The following MYSM1 variants were observed in gnomAD, a reference collection of about 807,000 sequenced individuals.
The protein encoded by MYSM1 is deubiquitinase MYSM1.
MYSM1 carries 51 observed loss-of-function variants against 116.0 expected under a neutral mutation model. That is an observed-to-expected ratio of 0.44 (90% CI 0.35 to 0.56). The LOEUF (loss-of-function observed/expected upper bound fraction) is 0.56, where lower values mean the gene tolerates loss of function less well. Among genes scored for constraint, MYSM1 ranks in the 20% least tolerant of loss-of-function variants. MYSM1 has a pLI of 0.00. For missense variants in MYSM1, 900 were observed against 974.9 expected (o/e 0.92, Z 1.02); for synonymous variants, 313 against 315.2 (o/e 0.99, Z 0.07).
chr1:58,667,077 A>G lies in MYSM1; in HGVS notation c.1992T>C (p.Asn664=), dbSNP rs760880945. ...GTGTGTCAATATCTCGTAAGGAAGG[A>G]TTAGGATCAAAAGCAGGATGAGAAT... is the stretch of plus-strand genomic sequence containing the variant. The part of the protein sequence containing the change: ...WYHSHPAFDP[N]PSLRDIDTQA... The change falls in exon 16 of 20, where the codon AAT becomes AAC. Residue 664 remains asparagine, a synonymous_variant. Transcript: ENST00000472487. 1 of 1,613,024 alleles carries G rather than the reference A, an allele frequency of 6.2e-7. No individual in the cohort carries two copies. The highest frequency in any genetic ancestry group is 1.1e-5 in the South Asian group (1 of 90,938).
At chr1:58,669,074 C>T (rs770293146) in intron 12 of MYSM1, 36 bp from the exon 13 acceptor site, 2 of 1,401,860 alleles carry the variant, frequency 1.4e-6, no homozygotes, top group Non-Finnish European at 2.0e-6. Flanking sequence ...ACAATCTCAA[C>T]AAGATTAGGA....
At chr1:58,666,993 A>G in intron 16 of MYSM1, 45 bp downstream of exon 16, 1 of 1,134,506 alleles carries the variant, frequency 8.8e-7, no homozygotes, top group South Asian at 1.8e-5. Context: ...GGGAGCATTG[A>G]GGGGGTGTGC....
chr1:58,669,836 C>CAAAAAAA (rs58828009), intron 12 of MYSM1, among the ~76,000 whole-genome samples: 6 of 14,594 alleles, frequency 4.1e-4, no homozygotes, highest in African/African-American at 1.3e-3. Flanking sequence ...ACCCTGTCTC[C>CAAAAAAA]AAAAAAAAAA....
intron 18 of MYSM1, 21 bp downstream of exon 18, chr1:58,661,385 A>AT (rs749968963): frequency 4.3e-5 from 63 of 1,449,900 alleles, no homozygotes; most frequent in Non-Finnish European, 5.8e-5. Flanking sequence ...ATGTGCAACC[A>AT]TCTCAAACCA....
rs557393833 is a variant in MYSM1 at position 58,661,201 on chromosome 1, C to T, written c.2297G>A (p.Arg766His). ...HSSVPMDKIFRRDSDLTCLQK... is the reference protein window; with the variant it reads ...HSSVPMDKIFHRDSDLTCLQK... ...CAAACAAGTCAGGTCAGAATCCCGGCGAAAGATTTTATCCATGGGGACGCT... is the reference window on the plus strand; with the variant it reads ...CAAACAAGTCAGGTCAGAATCCCGGTGAAAGATTTTATCCATGGGGACGCT... The change falls in exon 19 of 20, where the codon CGC (arginine) becomes CAC (histidine). Residue 766 changes from arginine to histidine, a missense_variant. By Grantham distance (29) the Arg-to-His change is conservative. This residue lies in a region of MYSM1 where 186 missense variants were observed against 196.2 expected (regional missense o/e 0.95). Coordinates refer to ENST00000472487, the MANE Select transcript of MYSM1 (RefSeq NM_001085487.3). 2.5e-6 allele frequency: 4 copies of T among 1,613,110 alleles called. No homozygotes were observed. Among genetic ancestry groups the T allele is most frequent in the South Asian group, 1.1e-5 (1 of 91,050 alleles).
At chr1:58,679,797 G>A (rs1644710484) in intron 8 of MYSM1, among the ~76,000 whole-genome samples, 2 of 151,770 alleles carry the variant, frequency 1.3e-5, no homozygotes, top group Admixed American at 1.3e-4. Context: ...GGTGGCCGAG[G>A]TGAGTGGATT....
Position 58,667,188 on chromosome 1 carries a change from T to A in MYSM1, c.1881A>T (p.Gly627=). The A allele has an allele frequency of 6.2e-7, 1 of 1,606,926 alleles. No homozygotes were observed. Among genetic ancestry groups the A allele is most frequent in the Non-Finnish European group, 8.5e-7 (1 of 1,175,782 alleles). ...AAEPCNSLST[G]LQCEMDPVSQ... ...ATACAGGATCCATCTCACACTGTAGTCCTGTACTCAGACTGTTACATGGTT... is the reference window on the plus strand; with the variant it reads ...ATACAGGATCCATCTCACACTGTAGACCTGTACTCAGACTGTTACATGGTT... The change falls in exon 16 of 20, where the codon GGA becomes GGT. Residue 627 remains glycine (G), a synonymous_variant. Transcript: ENST00000472487.
At position 58,682,551 on chromosome 1, in the gene MYSM1, TA is replaced by T; in HGVS notation, c.499-7del. 7 of 1,557,354 alleles carry T rather than the reference TA, an allele frequency of 4.5e-6. No homozygotes were observed. The highest frequency in any genetic ancestry group is 6.1e-6 in the Non-Finnish European group (7 of 1,156,222). On this transcript the variant is annotated splice_region_variant and splice_polypyrimidine_tract_variant and intron_variant, in intron 7 of 19. Transcript: ENST00000472487. Reference sequence around the variant, plus strand: ...TTATCCAGACCGCATTTGACCTTATTAAAAATCAAAATAAAATCCCCATAAT... The same window carrying T: ...TTATCCAGACCGCATTTGACCTTATTAAAATCAAAATAAAATCCCCATAAT...
At position 58,671,770 on chromosome 1, in the gene MYSM1, C is replaced by T. The variant is rs867863193; in HGVS notation, c.1661+100G>A. The T allele has an allele frequency of 7.7e-5, 65 of 849,132 alleles. No individual in the cohort carries two copies. In the Middle Eastern group the frequency reaches 2.8e-3, roughly 36 times the overall value. The allele number at this position is 849,132 out of a possible 1,614,324, so 52.6% of individuals were successfully genotyped here. On this transcript the variant is annotated intron_variant, in intron 12 of 19. Transcript: ENST00000472487. ...AAAATTGTAGCAGTATTTTTTTAAACTTAATGTGAACAATATAATGCAGCT... is the reference window on the plus strand; with the variant it reads ...AAAATTGTAGCAGTATTTTTTTAAATTTAATGTGAACAATATAATGCAGCT...
chr1:58,678,253 C>T (rs918750491), intron 8 of MYSM1, among the ~76,000 whole-genome samples: 1 of 152,078 alleles, frequency 6.6e-6, no homozygotes, highest in Non-Finnish European at 1.5e-5. Context: ...GGTACCACAC[C>T]TTCCATAGAA....
At chr1:58,662,249 G>GA (rs1162067928) in intron 17 of MYSM1, among the ~76,000 whole-genome samples, 1 of 151,828 alleles carries the variant, frequency 6.6e-6, no homozygotes, top group African/African-American at 2.4e-5. Context: ...ATCTAGAAAG[G>GA]AAAAAATACC....
chr1:58,682,336 T>A lies in MYSM1; in HGVS notation c.708A>T (p.Thr236=), dbSNP rs1425355780. ...TDEVDELSSQ[T]PQKNSSSDLL... ...GATCACTGCTAGAATTCTTCTGGGG[T>A]GTTTGAGAAGACAACTCGTCCACCT... The change falls in exon 8 of 20, where the codon ACA becomes ACT. Residue 236 remains threonine, a synonymous_variant. Coordinates refer to ENST00000472487, the MANE Select transcript of MYSM1 (RefSeq NM_001085487.3). 1 of 1,613,940 alleles carries A rather than the reference T, an allele frequency of 6.2e-7. No individual in the cohort carries two copies. The highest frequency in any genetic ancestry group is 8.5e-7 in the Non-Finnish European group (1 of 1,179,922).
chr1:58,660,129 CAG>C lies in MYSM1; in HGVS notation c.2353_2354del (p.Leu785GlufsTer10), dbSNP rs1246750624. The C allele has an allele frequency of 5.0e-6, 8 of 1,604,100 alleles. No individual in the cohort carries two copies. Among genetic ancestry groups the C allele is most frequent in the Non-Finnish European group, 6.8e-6 (8 of 1,176,100 alleles). ...QKLLECMRKT[L>X]SKVTNCFMAE... is the part of the protein sequence containing the mutation. Reference sequence around the variant, plus strand: ...CCATAAAGCAATTGGTCACTTTGCTCAGAGTCTTCCTCATACACTCCAAAAGC... The same window carrying C: ...CCATAAAGCAATTGGTCACTTTGCTCAGTCTTCCTCATACACTCCAAAAGC... On this transcript the variant is annotated frameshift_variant, in exon 20 of 20. Transcript: ENST00000472487. LOFTEE classifies it high-confidence loss of function.
At chr1:58,684,291 C>A (rs1023481051) in intron 7 of MYSM1, among the ~76,000 whole-genome samples, 2 of 152,018 alleles carry the variant, frequency 1.3e-5, no homozygotes, top group African/African-American at 4.8e-5. Context: ...CTAGGCCGGG[C>A]ACGGTGGCTC....
chr1:58,693,044 A>C (rs1416366896), intron 2 of MYSM1, 113 bp from the exon 3 acceptor site: 5 of 785,196 alleles, frequency 6.4e-6, no homozygotes, highest in Non-Finnish European at 2.0e-6. Flanking sequence ...GTCACCATTT[A>C]CTGAGCACAC....
At chr1:58,662,162 C>A (rs1356369657) in intron 17 of MYSM1, among the ~76,000 whole-genome samples, 1 of 151,980 alleles carries the variant, frequency 6.6e-6, no homozygotes, top group African/African-American at 2.4e-5. Context: ...GGGGAGGCAG[C>A]AACTGCTTTG....
intron 3 of MYSM1, among the ~76,000 whole-genome samples, chr1:58,691,106 C>T (rs1411459167): frequency 1.3e-5 from 2 of 151,896 alleles, no homozygotes; most frequent in African/African-American, 4.8e-5. Flanking sequence ...GGTGAAACCC[C>T]ATCTCTACTA....
At chr1:58,699,605 A>G in intron 1 of MYSM1, 3 of 983,174 alleles carry the variant, frequency 3.1e-6, no homozygotes, top group Non-Finnish European at 3.6e-6. Context: ...AGCAAGCCAT[A>G]GAACAAGAGT....
In MYSM1 at chr1:58,682,047, C is replaced by CT; in HGVS notation, c.996dup (p.Val333SerfsTer2). 6.2e-7 allele frequency: 1 copy of CT among 1,614,164 alleles called. No homozygotes were observed. Among genetic ancestry groups the CT allele is most frequent in the Admixed American group, 1.7e-5 (1 of 60,026 alleles). On this transcript the variant is annotated frameshift_variant, in exon 8 of 20. Coordinates refer to ENST00000472487, the MANE Select transcript of MYSM1 (RefSeq NM_001085487.3). LOFTEE classifies it high-confidence loss of function. The stretch of plus-strand genomic sequence containing the variant: ...GGAGAAGGCAACTGCCTGGCATCAA[C>CT]TATTATTCCCCTTCCATCATGCTTG...
Sources: allele counts gnomAD v4.1 joint callset (sites outside exome capture counted in the v4.1 genomes callset), GRCh38; gene constraint gnomAD v4.1.1; regional missense constraint gnomAD v4.1.1; transcripts MANE v1.5; gene names NCBI Gene and HGNC (gene_info 2026-07-23, HGNC 2026-07-21).